The following MNAT1 variants were observed in gnomAD, a reference collection of about 807,000 sequenced individuals.
The protein encoded by MNAT1 is CDK-activating kinase assembly factor MAT1.
In MNAT1, 43 loss-of-function variants were observed where a neutral mutation model predicts 42.0. That is an observed-to-expected ratio of 1.02 (90% CI 0.80 to 1.32). The LOEUF (loss-of-function observed/expected upper bound fraction) is 1.32, where lower values mean the gene tolerates loss of function less well. Among genes scored for constraint, MNAT1 ranks in the 40% most tolerant of loss-of-function variants. MNAT1 has a pLI of 0.00. For synonymous variants in MNAT1, 118 were observed against 120.0 expected, an observed-to-expected ratio of 0.98 and a Z score of 0.11; for missense variants, 306 against 350.4, an observed-to-expected ratio of 0.87 and a Z score of 1.01.
rs1264790231 is a variant in MNAT1 at position 60,751,937 on chromosome 14, A to C, written c.89+16986A>C. 2.6e-5 allele frequency among the ~76,000 whole-genome samples: 4 copies of C among 152,156 alleles called. No homozygotes were observed. In the East Asian group the frequency reaches 7.7e-4, roughly 29 times the overall value. On this transcript the variant is annotated intron_variant, in intron 1 of 7. Transcript: ENST00000261245. The stretch of plus-strand genomic sequence containing the variant: ...ATATATTTAATGAACTTGCTGTTCT[A>C]ATTTCAGGTAACTGAAGCAAACTGC...
chr14:60,958,966 T>G (rs1273061255), intron 7 of MNAT1, among the ~76,000 whole-genome samples: 1 of 152,154 alleles, frequency 6.6e-6, no homozygotes, highest in Non-Finnish European at 1.5e-5. Flanking sequence ...TTACTTTGGC[T>G]GTACTGCAGT....
At chr14:60,951,255 G>C (rs2036376236) in intron 7 of MNAT1, among the ~76,000 whole-genome samples, 1 of 140,396 alleles carries the variant, frequency 7.1e-6, no homozygotes, top group African/African-American at 2.7e-5. Flanking sequence ...TTAAACTCAG[G>C]CTTCCCCTCC....
intron 6 of MNAT1, among the ~76,000 whole-genome samples, chr14:60,854,584 T>C (rs1197385248): frequency 6.6e-6 from 1 of 152,214 alleles, no homozygotes; most frequent in Non-Finnish European, 1.5e-5. Context: ...TGCAGTTTGC[T>C]GGAGGTCCAC....
intron 6 of MNAT1, among the ~76,000 whole-genome samples, chr14:60,878,680 T>C (rs2034483402): frequency 6.6e-6 from 1 of 152,198 alleles, no homozygotes; most frequent in African/African-American, 2.4e-5. Flanking sequence ...GAATTGTTGC[T>C]ATGACCTTTA....
chr14:60,793,297 C>T (rs187640568), intron 1 of MNAT1, among the ~76,000 whole-genome samples: 10 of 152,204 alleles, frequency 6.6e-5, no homozygotes, highest in East Asian at 1.9e-4. Context: ...CTGCCTTGGC[C>T]TCCCAAAGTG....
At chr14:60,745,650 C>G (rs1443777370) in intron 1 of MNAT1, among the ~76,000 whole-genome samples, 1 of 152,126 alleles carries the variant, frequency 6.6e-6, no homozygotes, top group Admixed American at 6.5e-5. Flanking sequence ...CTCCTGGACT[C>G]AAGAGATCTG....
chr14:60,897,484 A>G (rs1042954232), intron 7 of MNAT1, among the ~76,000 whole-genome samples: 1 of 152,100 alleles, frequency 6.6e-6, no homozygotes, highest in African/African-American at 2.4e-5. Flanking sequence ...CTTTCATTCT[A>G]TGACATGTTG....
Position 60,798,100 on chromosome 14 carries a change from G to T in MNAT1, c.256G>T (p.Glu86Ter), listed in dbSNP as rs774964136. 1 of 1,450,902 alleles carries T rather than the reference G, an allele frequency of 6.9e-7. No individual in the cohort carries two copies. Among genetic ancestry groups the T allele is most frequent in the Non-Finnish European group, 9.6e-7 (1 of 1,038,116 alleles). 89.9% of individuals were successfully genotyped at this position (1,450,902 alleles called of 1,614,324 possible). A position where few individuals can be genotyped will look rare whatever the true frequency, so the allele number is the denominator to read the frequency against. ...KKVLKIYNKR[E>*]EDFPSLREYN... ...CTTTTCTTAAAGATACAATAAAAGG[G>T]AAGAAGATTTTCCTAGTCTAAGAGA... The change falls in exon 3 of 8, where the codon GAA becomes TAA. Residue 86 changes from glutamate to a stop codon, truncating the protein, a stop_gained. Transcript: ENST00000261245. LOFTEE classifies it high-confidence loss of function.
chr14:60,734,857 A>G lies in MNAT1; in HGVS notation c.-6A>G, dbSNP rs745980932. 1.2e-6 allele frequency: 2 copies of G among 1,613,856 alleles called. No individual in the cohort carries two copies. The highest frequency in any genetic ancestry group is 1.7e-5 in the Admixed American group (1 of 59,998). On this transcript the variant is annotated 5_prime_UTR_variant, in exon 1 of 8. Coordinates refer to ENST00000261245, the MANE Select transcript of MNAT1 (RefSeq NM_002431.4). This position sits in a 1 kb window ranked among gnomAD's most constrained non-coding sequence, Gnocchi z 4.3. Reference sequence around the variant, plus strand: ...GCCTGCGAGAGTCTGTAGGAGGGAAACCGCCATGGACGATCAGGGTTGCCC... The same window carrying G: ...GCCTGCGAGAGTCTGTAGGAGGGAAGCCGCCATGGACGATCAGGGTTGCCC...
rs867346839 is a variant in MNAT1, at chr14:60,750,279, T to G, written c.89+15328T>G. On this transcript the variant is annotated intron_variant, in intron 1 of 7. Transcript: ENST00000261245. ...TCTCGTTCTGTCGCCCAGGCTGGAG[T>G]GCAGTGGCGCGATCTCGGCTCACTG... Among the ~76,000 whole-genome samples, 189 of 151,622 alleles carry G rather than the reference T, an allele frequency of 1.2e-3. 1 individual carries two copies. Among genetic ancestry groups the G allele is most frequent in the African/African-American group, 4.3e-3 (180 of 41,384 alleles).
chr14:60,827,793 A>G (rs2033096491), intron 6 of MNAT1, among the ~76,000 whole-genome samples: 1 of 152,324 alleles, frequency 6.6e-6, no homozygotes, highest in East Asian at 1.9e-4. Flanking sequence ...GTCTTATCAG[A>G]TCTTATTATG....
At chr14:60,773,978 T>A (rs1246086952) in intron 1 of MNAT1, among the ~76,000 whole-genome samples, 1 of 152,164 alleles carries the variant, frequency 6.6e-6, no homozygotes, top group Non-Finnish European at 1.5e-5. Context: ...GAGCACAGAA[T>A]GATGAAAATG....
intron 1 of MNAT1, among the ~76,000 whole-genome samples, chr14:60,776,086 C>T (rs1432389494): frequency 6.6e-6 from 1 of 152,132 alleles, no homozygotes; most frequent in Non-Finnish European, 1.5e-5. Flanking sequence ...TCAGGTGGAA[C>T]AACAGTGGAG....
chr14:60,864,280 A>G (rs540782255), intron 6 of MNAT1, among the ~76,000 whole-genome samples: 59 of 151,954 alleles, frequency 3.9e-4, no homozygotes, highest in African/African-American at 1.3e-3. Context: ...AATATAATAT[A>G]TTTTAAATGA....
intron 7 of MNAT1, among the ~76,000 whole-genome samples, chr14:60,898,845 C>T (rs971573793): frequency 6.6e-6 from 1 of 152,066 alleles, no homozygotes; most frequent in Non-Finnish European, 1.5e-5. Flanking sequence ...CCAATGTCCT[C>T]AAGTGTTTCC....
At chr14:60,899,450 C>T (rs2035028941) in intron 7 of MNAT1, among the ~76,000 whole-genome samples, 1 of 151,816 alleles carries the variant, frequency 6.6e-6, no homozygotes, top group Non-Finnish European at 1.5e-5. Context: ...CTTGCTTGAT[C>T]TCTATTAGCA....
intron 7 of MNAT1, among the ~76,000 whole-genome samples, chr14:60,945,831 C>T (rs1353335093): frequency 6.6e-6 from 1 of 152,156 alleles, no homozygotes; most frequent in Non-Finnish European, 1.5e-5. Flanking sequence ...TCTCTCACAT[C>T]CCACAGTGGC....
intron 1 of MNAT1, among the ~76,000 whole-genome samples, chr14:60,769,474 C>T (rs951859395): frequency 2.6e-5 from 4 of 151,654 alleles, no homozygotes; most frequent in Non-Finnish European, 5.9e-5. Flanking sequence ...TCAGATATGG[C>T]GGTCTAACTT....
intron 6 of MNAT1, among the ~76,000 whole-genome samples, chr14:60,841,654 G>A (rs1386272456): frequency 1.3e-5 from 2 of 151,796 alleles, no homozygotes; most frequent in Admixed American, 6.6e-5. Flanking sequence ...CCTGAAGTGC[G>A]TTACATATTT....
Sources: allele counts gnomAD v4.1 joint callset (sites outside exome capture counted in the v4.1 genomes callset), GRCh38; gene constraint gnomAD v4.1.1; non-coding constraint Gnocchi (gnomAD v3.1); transcripts MANE v1.5; gene names NCBI Gene and HGNC (gene_info 2026-07-23, HGNC 2026-07-21).